Variants in ABCC1 observed in about 807,000 individuals in gnomAD.
ABCC1 encodes ATP binding cassette subfamily C member 1 (ABCC1 blood group).
A neutral mutation model predicts 172.9 loss-of-function variants in ABCC1; 83 were observed. The observed-to-expected ratio is 0.48, with a 90% CI of 0.40 to 0.58. ABCC1 has a LOEUF of 0.58. Ranked by LOEUF, ABCC1 falls within the 20% of genes least tolerant of loss-of-function variation. ABCC1 has a pLI of 0.00. For missense variants in ABCC1, 1,817 were observed against 2,002.7 expected (o/e 0.91, Z 1.77); for synonymous variants, 937 against 825.2 (o/e 1.14, Z -2.32).
intron 1 of ABCC1, among the ~76,000 whole-genome samples, chr16:15,983,617 A>G (rs1236457214): frequency 7.0e-6 from 1 of 142,354 alleles, no homozygotes; most frequent in Non-Finnish European, 1.5e-5. Flanking sequence ...GAGCAATGGC[A>G]TGATCACGGC....
chr16:16,045,866 G>A lies in ABCC1; in HGVS notation c.1071G>A (p.Lys357=). 1 of 1,614,178 alleles carries A rather than the reference G, an allele frequency of 6.2e-7. No homozygotes were observed. Among genetic ancestry groups the A allele is most frequent in the Non-Finnish European group, 8.5e-7 (1 of 1,180,036 alleles). ...TCATCAAGTTCGTGAATGACACGAA[G>A]GCCCCAGACTGGCAGGGCTACTTCT... ...KLLIKFVNDT[K]APDWQGYFYT... is the part of the protein sequence containing the mutation. The change falls in exon 9 of 31, where the codon AAG becomes AAA. Residue 357 remains lysine, a synonymous_variant. Coordinates refer to ENST00000399410, the MANE Select transcript of ABCC1 (RefSeq NM_004996.4).
intron 1 of ABCC1, among the ~76,000 whole-genome samples, chr16:16,003,012 G>A (rs1323135219): frequency 1.3e-5 from 2 of 152,160 alleles, no homozygotes; most frequent in Non-Finnish European, 2.9e-5. Context: ...AAGAGTTTTA[G>A]CACACAAATA....
At chr16:16,129,330 T>C (rs1940942170) in intron 26 of ABCC1, among the ~76,000 whole-genome samples, 2 of 152,008 alleles carry the variant, frequency 1.3e-5, no homozygotes, top group African/African-American at 2.4e-5. Flanking sequence ...CTTGCCTTAG[T>C]TGCATTGTAA....
chr16:16,045,255 G>A (rs1161869383), intron 8 of ABCC1, among the ~76,000 whole-genome samples: 2 of 151,746 alleles, frequency 1.3e-5, no homozygotes, highest in Non-Finnish European at 2.9e-5. Flanking sequence ...AAAATTAGCC[G>A]GGCGTGGTGG....
chr16:15,974,741 A>G (rs897727109), intron 1 of ABCC1, among the ~76,000 whole-genome samples: 8 of 152,166 alleles, frequency 5.3e-5, no homozygotes, highest in African/African-American at 1.4e-4. Flanking sequence ...ATAGGAAGAA[A>G]CAGAGTCTTA....
chr16:15,995,264 A>G (rs1162612886), intron 1 of ABCC1, among the ~76,000 whole-genome samples: 1 of 152,150 alleles, frequency 6.6e-6, no homozygotes, highest in Non-Finnish European at 1.5e-5. Context: ...GTGAGGATGA[A>G]ATGTAATGTG....
chr16:15,949,592 G>T (rs2045809105), upstream of ABCC1: 1 of 167,840 alleles, frequency 6.0e-6, no homozygotes, highest in Non-Finnish European at 1.1e-5. Flanking sequence ...CGGCGTTGCG[G>T]CCCCGGCCCC....
intron 1 of ABCC1, among the ~76,000 whole-genome samples, chr16:16,006,005 A>T (rs972429962): frequency 5.3e-5 from 8 of 149,808 alleles, no homozygotes; most frequent in African/African-American, 9.8e-5. Flanking sequence ...AAAAAAAAAA[A>T]TAAAAATAAA....
chr16:16,033,825 T>C (rs2048642541), intron 6 of ABCC1, among the ~76,000 whole-genome samples: 3 of 151,876 alleles, frequency 2.0e-5, no homozygotes, highest in Non-Finnish European at 2.9e-5. Flanking sequence ...AGTTTTGCCA[T>C]GTTGGCCAGG....
At chr16:16,067,184 A>T (rs892274656) in intron 12 of ABCC1, among the ~76,000 whole-genome samples, 4 of 152,144 alleles carry the variant, frequency 2.6e-5, no homozygotes, top group Admixed American at 6.6e-5. Context: ...CGGGAGGTCG[A>T]GGCTGTGGTG....
intron 20 of ABCC1, among the ~76,000 whole-genome samples, chr16:16,104,705 G>A (rs919476905): frequency 4.0e-4 from 61 of 152,312 alleles, no homozygotes; most frequent in Middle Eastern, 6.8e-3. Context: ...GGGACTGGGC[G>A]CCATGGAGCA....
intron 20 of ABCC1, among the ~76,000 whole-genome samples, chr16:16,104,423 A>G (rs1257898693): frequency 6.6e-6 from 1 of 152,178 alleles, no homozygotes; most frequent in Non-Finnish European, 1.5e-5. Context: ...TCCCCACTAG[A>G]TTAGCTAGAT....
At chr16:15,963,389 C>T (rs952844588) in intron 1 of ABCC1, among the ~76,000 whole-genome samples, 3 of 152,250 alleles carry the variant, frequency 2.0e-5, no homozygotes, top group African/African-American at 7.2e-5. Context: ...TGGCCCTTTT[C>T]TCACAGCTCC....
chr16:15,961,072 C>G (rs1048033477), intron 1 of ABCC1, among the ~76,000 whole-genome samples: 4 of 147,706 alleles, frequency 2.7e-5, no homozygotes, highest in African/African-American at 7.5e-5. Context: ...TCTCGAACTC[C>G]TGGGCTCAAG....
At position 16,132,043 on chromosome 16, in the gene ABCC1, C is replaced by A. The variant is rs928819564; in HGVS notation, c.3966+108C>A. 58 of 1,394,670 alleles carry A rather than the reference C, an allele frequency of 4.2e-5. No homozygotes were observed. The East Asian group carries it at 1.3e-3, about 31-fold the overall frequency. The allele number at this position is 1,394,670 out of a possible 1,614,324, so 86.4% of individuals were successfully genotyped here. ...CTCCCCAGTCACTCACGGCTCCACA[C>A]CTTTGCTTGAATGGCTTTTTGGGGG... On this transcript the variant is annotated intron_variant, in intron 27 of 30. Coordinates refer to ENST00000399410, the MANE Select transcript of ABCC1 (RefSeq NM_004996.4).
At chr16:16,132,558 G>T (rs1257466369) in intron 27 of ABCC1, among the ~76,000 whole-genome samples, 1 of 96,720 alleles carries the variant, frequency 1.0e-5, no homozygotes, top group Admixed American at 1.7e-4. Context: ...GTCTTACTCT[G>T]TTGCCAAGGC....
In ABCC1 at chr16:16,106,861, G is replaced by T; in HGVS notation, c.2859G>T (p.Ala953=). ...GGAAGCTGATGGAGGCTGACAAGGC[G>T]CAGACAGGGCAGGTGAGATTCGCTC... ...ETWKLMEADK[A]QTGQVKLSVY... The change falls in exon 21 of 31, where the codon GCG becomes GCT. Residue 953 remains alanine (A), a synonymous_variant. Transcript: ENST00000399410. 1 of 1,614,108 alleles carries T rather than the reference G, an allele frequency of 6.2e-7. No individual in the cohort carries two copies. The highest frequency in any genetic ancestry group is 1.1e-5 in the South Asian group (1 of 91,086).
chr16:15,971,068 A>G (rs1158151688), intron 1 of ABCC1, among the ~76,000 whole-genome samples: 2 of 152,234 alleles, frequency 1.3e-5, no homozygotes, highest in African/African-American at 4.8e-5. Context: ...AGAAGGGAGA[A>G]TAAGATCCCC....
At chr16:16,103,010 G>T (rs904299173) in intron 20 of ABCC1, among the ~76,000 whole-genome samples, 1 of 152,146 alleles carries the variant, frequency 6.6e-6, no homozygotes, top group Non-Finnish European at 1.5e-5. Flanking sequence ...CAGGTCTCTT[G>T]GCGGGGCCTG....
Sources: gnomAD v4.1 joint callset for allele counts (sites outside exome capture counted in the v4.1 genomes callset) on GRCh38, gnomAD v4.1.1 for gene constraint, MANE v1.5 for transcripts, NCBI Gene and HGNC (gene_info 2026-07-23, HGNC 2026-07-21) for gene names.